The following POU3F3 variants were observed in gnomAD, a reference collection of about 807,000 sequenced individuals.
POU3F3 encodes the protein POU domain, class 3, transcription factor 3.
In POU3F3, 1 loss-of-function variant was observed where a neutral mutation model predicts 8.6. The ratio of observed to expected loss-of-function variants is 0.12; its 90% CI spans 0.04 to 0.55. POU3F3 has a LOEUF of 0.55. POU3F3 is among the 20% of genes least tolerant of loss of function. The pLI, the probability that POU3F3 is intolerant of heterozygous loss-of-function variation, is 0.91. For synonymous variants in POU3F3, 418 were observed against 327.4 expected (o/e 1.28, Z -2.99); for missense variants, 577 against 690.7 (o/e 0.84, Z 1.84).
chr2:104,880,629 G>A, the POU3F3 span, among the ~76,000 whole-genome samples: 379 of 152,252 alleles, frequency 2.5e-3, 3 homozygotes, highest in African/African-American at 8.6e-3. Context: ...TTGCCTTTCC[G>A]GGCCAATGGA....
chr2:104,913,589 C>G, the POU3F3 span, among the ~76,000 whole-genome samples: 13 of 152,282 alleles, frequency 8.5e-5, no homozygotes, highest in African/African-American at 3.1e-4. Context: ...ATCAAAGGCT[C>G]TGCTGTGGGA....
the POU3F3 span, among the ~76,000 whole-genome samples, chr2:104,911,268 G>A: frequency 6.6e-6 from 1 of 151,816 alleles, no homozygotes; most frequent in Admixed American, 6.6e-5. Flanking sequence ...AAAAAAAATA[G>A]CCAGGTGTGG....
the POU3F3 span, among the ~76,000 whole-genome samples, chr2:104,871,397 T>C: frequency 6.6e-6 from 1 of 152,108 alleles, no homozygotes; most frequent in Non-Finnish European, 1.5e-5. Flanking sequence ...GCGGTAAAAA[T>C]ATTAGGTAGC....
At chr2:104,901,789 C>T in the POU3F3 span, among the ~76,000 whole-genome samples, 1 of 152,226 alleles carries the variant, frequency 6.6e-6, no homozygotes, top group Non-Finnish European at 1.5e-5. Context: ...CTTGGGAAAA[C>T]AGCACGGAAA....
the POU3F3 span, among the ~76,000 whole-genome samples, chr2:104,917,410 T>G: frequency 6.6e-6 from 1 of 152,174 alleles, no homozygotes; most frequent in Non-Finnish European, 1.5e-5. Context: ...ATAATTCCAC[T>G]ATGTTGACTT....
chr2:104,855,221 T>G lies in POU3F3; in HGVS notation c.-290T>G, dbSNP rs1236403769. Among the ~76,000 whole-genome samples, 1 of 151,222 alleles carries G rather than the reference T, an allele frequency of 6.6e-6. No individual in the cohort carries two copies. The highest frequency in any genetic ancestry group is 1.5e-5 in the Non-Finnish European group (1 of 67,822). On this transcript the variant is annotated 5_prime_UTR_variant, in exon 1 of 1. Coordinates refer to ENST00000361360, the MANE Select transcript of POU3F3 (RefSeq NM_006236.3). ...AGAGCGCTGCTCCTGCGGCTGCTGCTGCTGCTGGTGACCAAGGCCGGCCGG... is the reference window on the plus strand; with the variant it reads ...AGAGCGCTGCTCCTGCGGCTGCTGCGGCTGCTGGTGACCAAGGCCGGCCGG...
At chr2:104,905,604 T>C in the POU3F3 span, among the ~76,000 whole-genome samples, 1 of 152,142 alleles carries the variant, frequency 6.6e-6, no homozygotes. Context: ...AATCAAGGTG[T>C]CGGCAGGGTC....
rs2104342340 is a variant in POU3F3 at position 104,857,871 on chromosome 2, G to A, written c.*858G>A. The A allele has an allele frequency of 6.6e-6, 1 of 152,378 alleles. No individual in the cohort carries two copies. The highest frequency in any genetic ancestry group is 2.4e-5 in the African/African-American group (1 of 41,580). The allele number at this position is 152,378 out of a possible 1,614,324, so 9.4% of individuals were successfully genotyped here. Reference sequence around the variant, plus strand: ...GAAATAAAAGGATCGGGAAGGAGCAGAGGGAGAGGGGGAACGTCCGCTGAG... The same window carrying A: ...GAAATAAAAGGATCGGGAAGGAGCAAAGGGAGAGGGGGAACGTCCGCTGAG... On this transcript the variant is annotated 3_prime_UTR_variant, in exon 1 of 1. Transcript: ENST00000361360.
At chr2:104,878,934 C>T in the POU3F3 span, among the ~76,000 whole-genome samples, 1 of 151,696 alleles carries the variant, frequency 6.6e-6, no homozygotes, top group East Asian at 1.9e-4. Context: ...TGCACAAGCA[C>T]ACAAATGCAA....
chr2:104,913,590 T>C, the POU3F3 span, among the ~76,000 whole-genome samples: 4 of 152,190 alleles, frequency 2.6e-5, no homozygotes, highest in Non-Finnish European at 5.9e-5. Context: ...TCAAAGGCTC[T>C]GCTGTGGGAT....
At chr2:104,863,917 G>A in the POU3F3 span, among the ~76,000 whole-genome samples, 1 of 152,224 alleles carries the variant, frequency 6.6e-6, no homozygotes, top group African/African-American at 2.4e-5. Context: ...TGGAGGCAAG[G>A]CCGGAGGCGG....
At position 104,855,385 on chromosome 2, in the gene POU3F3, G is replaced by A. The variant is rs1378517786; in HGVS notation, c.-126G>A. Reference sequence around the variant, plus strand: ...CCGGCGGGGGCCCGGGGCGGGGGCGGGGAAGGAGGGGGGGAGGAGGCGGGA... The same window carrying A: ...CCGGCGGGGGCCCGGGGCGGGGGCGAGGAAGGAGGGGGGGAGGAGGCGGGA... On this transcript the variant is annotated 5_prime_UTR_variant, in exon 1 of 1. Coordinates refer to ENST00000361360, the MANE Select transcript of POU3F3 (RefSeq NM_006236.3). 1 of 326,502 alleles carries A rather than the reference G, an allele frequency of 3.1e-6. No homozygotes were observed. Among genetic ancestry groups the A allele is most frequent in the Non-Finnish European group, 4.2e-6 (1 of 237,890 alleles). The allele number at this position is 326,502 out of a possible 1,614,324, so 20.2% of individuals were successfully genotyped here. A position where few individuals can be genotyped will look rare whatever the true frequency, so the allele number is the denominator to read the frequency against.
At chr2:104,899,194 G>A in the POU3F3 span, among the ~76,000 whole-genome samples, 13 of 152,212 alleles carry the variant, frequency 8.5e-5, no homozygotes, top group African/African-American at 1.9e-4. Context: ...GCACATAAGC[G>A]ACGGATCGGC....
the POU3F3 span, among the ~76,000 whole-genome samples, chr2:104,916,361 A>T: frequency 6.6e-6 from 1 of 152,164 alleles, no homozygotes; most frequent in South Asian, 2.1e-4. Context: ...TAAGAAATGA[A>T]CCCAATGCTT....
chr2:104,874,067 G>C, the POU3F3 span, among the ~76,000 whole-genome samples: 2 of 152,256 alleles, frequency 1.3e-5, no homozygotes, highest in Admixed American at 6.5e-5. Context: ...CAGCCAGAGG[G>C]GCTTTTAGAG....
chr2:104,867,448 G>T, the POU3F3 span: 6 of 152,440 alleles, frequency 3.9e-5, no homozygotes, highest in African/African-American at 1.4e-4. The surrounding 1 kb of genome is among the most constrained non-coding windows in gnomAD (Gnocchi z 5.0). Context: ...CCTTGCAGGC[G>T]TGTCCCCAGC....
chr2:104,926,450 AAAC>A, the POU3F3 span, among the ~76,000 whole-genome samples: 2 of 152,238 alleles, frequency 1.3e-5, no homozygotes, highest in African/African-American at 4.8e-5. Flanking sequence ...AAAAGTCAAG[AAAC>A]AACAGCTGCT....
At chr2:104,869,300 G>T in the POU3F3 span, among the ~76,000 whole-genome samples, 1 of 152,306 alleles carries the variant, frequency 6.6e-6, no homozygotes, top group East Asian at 1.9e-4. Context: ...CCCACCTAGG[G>T]GAATGTCAAG....
the POU3F3 span, among the ~76,000 whole-genome samples, chr2:104,871,277 C>T: frequency 6.6e-6 from 1 of 152,184 alleles, no homozygotes; most frequent in Non-Finnish European, 1.5e-5. Context: ...CCAGCAGTAG[C>T]AATAAACTTT....
Sources: allele counts gnomAD v4.1 joint callset (sites outside exome capture counted in the v4.1 genomes callset), GRCh38; gene constraint gnomAD v4.1.1; non-coding constraint Gnocchi (gnomAD v3.1); transcripts MANE v1.5; gene names NCBI Gene and HGNC (gene_info 2026-07-23, HGNC 2026-07-21).